COL22A1: variants seen among roughly 807,000 people sequenced by gnomAD.
COL22A1 encodes the protein collagen alpha-1(XXII) chain.
COL22A1 carries 221 observed loss-of-function variants against 248.9 expected under a neutral mutation model. The observed-to-expected ratio is 0.89, with a 90% CI of 0.80 to 0.99. The LOEUF (loss-of-function observed/expected upper bound fraction) is 0.99, where lower values mean the gene tolerates loss of function less well. Among genes scored for constraint, COL22A1 ranks in the 50% least tolerant of loss-of-function variants. The pLI is 0.00. For synonymous variants in COL22A1, 891 were observed against 793.4 expected (o/e 1.12, Z -2.07); for missense variants, 2,240 against 2,179.0 (o/e 1.03, Z -0.56).
At chr8:138,864,339 T>C (rs1213838401) in intron 3 of COL22A1, among the ~76,000 whole-genome samples, 1 of 151,808 alleles carries the variant, frequency 6.6e-6, no homozygotes, top group African/African-American at 2.4e-5. Flanking sequence ...TGATCTTATA[T>C]ATCAGGGGGT....
At chr8:138,765,163 C>T (rs897918079) in intron 16 of COL22A1, among the ~76,000 whole-genome samples, 1 of 152,134 alleles carries the variant, frequency 6.6e-6, no homozygotes, top group Non-Finnish European at 1.5e-5. Flanking sequence ...AGCCACTTCA[C>T]CCCAGCTGGG....
In COL22A1 at chr8:138,626,310, A is replaced by G. The variant is rs546419103; in HGVS notation, c.3664-67T>C. ...GGCTTTTCTGGAAGTAAATGACTTC[A>G]CAAGGAACTGCATTCATGGGTTGGG... On this transcript the variant is annotated intron_variant, in intron 50 of 64. Transcript: ENST00000303045. 95 of 1,265,040 alleles carry G rather than the reference A, an allele frequency of 7.5e-5. 1 individual carries two copies. The South Asian group carries it at 1.1e-3, about 14-fold the overall frequency. 78.4% of individuals were successfully genotyped at this position (1,265,040 alleles called of 1,614,324 possible).
At chr8:138,769,558 A>C (rs1476041943) in intron 16 of COL22A1, among the ~76,000 whole-genome samples, 1 of 151,950 alleles carries the variant, frequency 6.6e-6, no homozygotes, top group African/African-American at 2.4e-5. Context: ...TGGGGACTCC[A>C]CCACCACCCT....
At chr8:138,778,160 T>A in intron 15 of COL22A1, 193 bp downstream of exon 15, 1 of 687,364 alleles carries the variant, frequency 1.5e-6, no homozygotes, top group Non-Finnish European at 2.6e-6. Flanking sequence ...TTAAACTTGT[T>A]CTCTGGGTGA....
chr8:138,603,132 A>C (rs1286142570), intron 59 of COL22A1, among the ~76,000 whole-genome samples: 1 of 152,196 alleles, frequency 6.6e-6, no homozygotes, highest in Non-Finnish European at 1.5e-5. Flanking sequence ...CCCCAGAAAC[A>C]TTCATCGCAT....
At chr8:138,853,935 G>T (rs1405960739) in intron 3 of COL22A1, among the ~76,000 whole-genome samples, 1 of 152,212 alleles carries the variant, frequency 6.6e-6, no homozygotes, top group Non-Finnish European at 1.5e-5. Flanking sequence ...CTGCAGAGAT[G>T]GTCAAGGGAA....
chr8:138,710,576 A>T (rs1828865259), intron 30 of COL22A1, among the ~76,000 whole-genome samples: 1 of 145,078 alleles, frequency 6.9e-6, no homozygotes, highest in African/African-American at 2.6e-5. Context: ...TCATCTTTGT[A>T]GCAATGCCCA....
chr8:138,856,210 G>A (rs1007462318), intron 3 of COL22A1, among the ~76,000 whole-genome samples: 13 of 152,252 alleles, frequency 8.5e-5, no homozygotes, highest in Non-Finnish European at 8.8e-5. Context: ...CAGTCAAGGC[G>A]TGGCCGCATT....
intron 3 of COL22A1, among the ~76,000 whole-genome samples, chr8:138,845,100 A>C (rs778107309): frequency 5.9e-5 from 9 of 152,232 alleles, no homozygotes; most frequent in Non-Finnish European, 1.0e-4. Flanking sequence ...TTACATAAAC[A>C]GGCAAATTCC....
At chr8:138,661,003 CACAG>C (rs1459963717) in intron 43 of COL22A1, among the ~76,000 whole-genome samples, 89 of 133,700 alleles carry the variant, frequency 6.7e-4, no homozygotes, top group Non-Finnish European at 3.6e-4. Context: ...CATACACATA[CACAG>C]ACACACACAC....
At chr8:138,712,344 T>C (rs924921237) in intron 30 of COL22A1, among the ~76,000 whole-genome samples, 1 of 152,094 alleles carries the variant, frequency 6.6e-6, no homozygotes, top group Admixed American at 6.5e-5. Context: ...AAAGTTGCCG[T>C]GGAACTAGAG....
At chr8:138,804,215 C>T (rs1042565772) in intron 10 of COL22A1, among the ~76,000 whole-genome samples, 5 of 152,168 alleles carry the variant, frequency 3.3e-5, no homozygotes, top group African/African-American at 9.7e-5. Flanking sequence ...GGACAGAGCC[C>T]GAGCTCTGTG....
At chr8:138,827,800 G>T (rs148273330) in intron 5 of COL22A1, among the ~76,000 whole-genome samples, 172 of 148,058 alleles carry the variant, frequency 1.2e-3, no homozygotes, top group African/African-American at 4.1e-3. Context: ...ATCTTCCTCT[G>T]TATCATGTAC....
chr8:138,666,259 A>T (rs570795646), intron 41 of COL22A1, among the ~76,000 whole-genome samples: 1 of 152,250 alleles, frequency 6.6e-6, no homozygotes, highest in Non-Finnish European at 1.5e-5. Context: ...ACACATAGGG[A>T]GGTCTGGCTA....
At chr8:138,606,551 C>T in intron 57 of COL22A1, 99 bp from the exon 58 acceptor site, 1 of 1,156,272 alleles carries the variant, frequency 8.6e-7, no homozygotes, top group Non-Finnish European at 1.3e-6. Context: ...AGGCCTGAGA[C>T]ATCCACACAA....
chr8:138,685,341 G>A, intron 37 of COL22A1, 29 bp from the exon 38 acceptor site: 1 of 1,581,948 alleles, frequency 6.3e-7, no homozygotes, highest in African/African-American at 1.3e-5. Context: ...ATTTCCCAGG[G>A]TCAATTACAC....
At chr8:138,871,391 C>T (rs1234745723) in intron 3 of COL22A1, among the ~76,000 whole-genome samples, 1 of 152,176 alleles carries the variant, frequency 6.6e-6, no homozygotes, top group Non-Finnish European at 1.5e-5. Context: ...CCTTTGCAGT[C>T]CCTGTTCCCC....
At chr8:138,883,352 A>G (rs1049233755) in intron 1 of COL22A1, 108 bp from the exon 2 acceptor site, 15 of 619,464 alleles carry the variant, frequency 2.4e-5, no homozygotes, top group Admixed American at 6.1e-5. Flanking sequence ...CTTCCAACCC[A>G]TCTTCCCTCC....
intron 22 of COL22A1, among the ~76,000 whole-genome samples, chr8:138,738,904 G>A (rs1303132094): frequency 6.6e-6 from 1 of 151,994 alleles, no homozygotes; most frequent in East Asian, 1.9e-4. Context: ...TCCAACTCAG[G>A]CACACCCTGG....
Sources: gnomAD v4.1 joint callset for allele counts (sites outside exome capture counted in the v4.1 genomes callset) on GRCh38, gnomAD v4.1.1 for gene constraint, MANE v1.5 for transcripts, NCBI Gene and HGNC (gene_info 2026-07-23, HGNC 2026-07-21) for gene names.